The following CNTN5 variants were observed in gnomAD, a reference collection of about 807,000 sequenced individuals.
CNTN5 encodes contactin-5.
CNTN5 carries 77 observed loss-of-function variants against 129.1 expected under a neutral mutation model. The ratio of observed to expected loss-of-function variants is 0.60; its 90% CI spans 0.50 to 0.72. The LOEUF is 0.72. Among genes scored for constraint, CNTN5 ranks in the 30% least tolerant of loss-of-function variants. CNTN5 has a pLI of 0.00. For missense variants in CNTN5, 1,478 were observed against 1,328.8 expected, an observed-to-expected ratio of 1.11 and a Z score of -1.75; for synonymous variants, 509 against 465.6, an observed-to-expected ratio of 1.09 and a Z score of -1.20.
intron 6 of CNTN5, among the ~76,000 whole-genome samples, chr11:99,912,554 A>T (rs1424036726): frequency 1.3e-5 from 2 of 151,970 alleles, no homozygotes; most frequent in Non-Finnish European, 2.9e-5. Context: ...TTCATTTTAC[A>T]TCTGATCAAT....
chr11:99,713,201 A>G (rs878990801), intron 3 of CNTN5, among the ~76,000 whole-genome samples: 3 of 151,990 alleles, frequency 2.0e-5, no homozygotes, highest in South Asian at 2.1e-4. Flanking sequence ...GGTCCTTCAC[A>G]TCCCTTGTAA....
intron 1 of CNTN5, among the ~76,000 whole-genome samples, chr11:99,072,789 T>A (rs1865392410): frequency 6.6e-6 from 1 of 152,124 alleles, no homozygotes; most frequent in African/African-American, 2.4e-5. Context: ...CAATGAATGT[T>A]TACATATGAT....
chr11:99,654,185 A>C (rs1210258913), intron 3 of CNTN5, among the ~76,000 whole-genome samples: 1 of 152,130 alleles, frequency 6.6e-6, no homozygotes, highest in African/African-American at 2.4e-5. Context: ...CTGCCTGAAC[A>C]TAGCTTTTAA....
chr11:99,949,031 T>C (rs1950614398), intron 7 of CNTN5, among the ~76,000 whole-genome samples: 1 of 152,192 alleles, frequency 6.6e-6, no homozygotes, highest in Non-Finnish European at 1.5e-5. Flanking sequence ...AAAGTTGTGT[T>C]TGAGAACCCC....
intron 3 of CNTN5, among the ~76,000 whole-genome samples, chr11:99,556,982 T>A (rs1948694529): frequency 6.6e-6 from 1 of 151,342 alleles, no homozygotes; most frequent in Non-Finnish European, 1.5e-5. Flanking sequence ...TAAATTGTGG[T>A]CATAATTTAA....
At chr11:99,243,632 T>G (rs563812414) in intron 1 of CNTN5, among the ~76,000 whole-genome samples, 2 of 152,148 alleles carry the variant, frequency 1.3e-5, no homozygotes, top group Non-Finnish European at 2.9e-5. Context: ...TTGACTTAAT[T>G]TTTGTATATG....
intron 6 of CNTN5, among the ~76,000 whole-genome samples, chr11:99,908,899 G>C (rs1048946382): frequency 6.6e-6 from 1 of 152,050 alleles, no homozygotes; most frequent in East Asian, 1.9e-4. Flanking sequence ...TTGGAGGACT[G>C]ATTAATGTCT....
At chr11:100,273,980 C>T (rs138254856) in intron 18 of CNTN5, among the ~76,000 whole-genome samples, 3,507 of 152,160 alleles carry the variant, frequency 0.023, 124 homozygotes, top group African/African-American at 0.073. Flanking sequence ...TATACTACAG[C>T]GCTACAGTAA....
rs1164444886 is a variant in CNTN5 at position 99,602,776 on chromosome 11, G to A, written c.55+46507G>A. 2.0e-5 allele frequency among the ~76,000 whole-genome samples: 3 copies of A among 150,272 alleles called. No homozygotes were observed. In the East Asian group the frequency reaches 6.0e-4, roughly 30 times the overall value. On this transcript the variant is annotated intron_variant, in intron 3 of 24. Coordinates refer to ENST00000524871, the MANE Select transcript of CNTN5 (RefSeq NM_014361.4). ...GAGAACGGGCAGACTGCCTCCTCAA[G>A]TGGGTCCCTGACCCCTGACCCCCGA...
At chr11:99,214,400 AATAT>A (rs10557139) in intron 1 of CNTN5, among the ~76,000 whole-genome samples, 5 of 146,950 alleles carry the variant, frequency 3.4e-5, no homozygotes, top group African/African-American at 9.9e-5. Flanking sequence ...TATATAAATA[AATAT>A]ATATATATAT....
chr11:99,826,130 T>C (rs1946948919), intron 4 of CNTN5, among the ~76,000 whole-genome samples: 1 of 152,214 alleles, frequency 6.6e-6, no homozygotes. Context: ...GATAAGTTCT[T>C]ATTCCTATTA....
intron 15 of CNTN5, among the ~76,000 whole-genome samples, chr11:100,217,269 AG>A (rs755410806): frequency 3.3e-5 from 5 of 152,106 alleles, no homozygotes; most frequent in Non-Finnish European, 7.4e-5. Flanking sequence ...CTTTTAACAC[AG>A]TGACTTTTAT....
intron 13 of CNTN5, among the ~76,000 whole-genome samples, chr11:100,129,206 T>C (rs1277428049): frequency 6.6e-6 from 1 of 152,060 alleles, no homozygotes; most frequent in African/African-American, 2.4e-5. Context: ...AATGAGAAAA[T>C]ACATTTATAT....
At chr11:99,164,054 G>C (rs1206678012) in intron 1 of CNTN5, among the ~76,000 whole-genome samples, 2 of 152,110 alleles carry the variant, frequency 1.3e-5, no homozygotes, top group African/African-American at 4.8e-5. Flanking sequence ...TGGGCAGGGC[G>C]CAGTGGCTCA....
chr11:99,916,497 T>G (rs1428001714), intron 7 of CNTN5, among the ~76,000 whole-genome samples: 2 of 152,174 alleles, frequency 1.3e-5, no homozygotes, highest in Non-Finnish European at 2.9e-5. Flanking sequence ...TTGAGTTAAC[T>G]GAATACCAAT....
At chr11:100,264,100 A>T (rs1425432826) in intron 17 of CNTN5, among the ~76,000 whole-genome samples, 1 of 152,076 alleles carries the variant, frequency 6.6e-6, no homozygotes, top group Non-Finnish European at 1.5e-5. Flanking sequence ...GTATATAAAA[A>T]CATACATAAT....
chr11:100,263,373 A>C (rs1950242964), intron 17 of CNTN5, among the ~76,000 whole-genome samples: 1 of 152,162 alleles, frequency 6.6e-6, no homozygotes, highest in Non-Finnish European at 1.5e-5. Context: ...AGGTAAATGA[A>C]ATTTGAGTTT....
At chr11:100,328,490 G>C (rs1221505825) in intron 21 of CNTN5, among the ~76,000 whole-genome samples, 2 of 152,122 alleles carry the variant, frequency 1.3e-5, no homozygotes, top group Admixed American at 6.5e-5. Context: ...GGCTGAGGAG[G>C]CCTCAGCAAA....
chr11:99,083,041 C>T (rs1455166765), intron 1 of CNTN5, among the ~76,000 whole-genome samples: 1 of 151,998 alleles, frequency 6.6e-6, no homozygotes, highest in African/African-American at 2.4e-5. Flanking sequence ...TAAACACACA[C>T]ACACACACAC....
Sources: allele counts gnomAD v4.1 joint callset (sites outside exome capture counted in the v4.1 genomes callset), GRCh38; gene constraint gnomAD v4.1.1; transcripts MANE v1.5; gene names NCBI Gene and HGNC (gene_info 2026-07-23, HGNC 2026-07-21).